NTNG1: variants seen among roughly 807,000 people sequenced by gnomAD.
NTNG1 encodes the protein netrin G1.
Under a neutral mutation model 54.0 loss-of-function variants are expected in NTNG1, and 16 were observed. That is an observed-to-expected ratio of 0.30 (90% CI 0.20 to 0.45). The LOEUF is 0.45. Among genes scored for constraint, NTNG1 ranks in the 20% least tolerant of loss-of-function variants. The pLI is 1.00. For synonymous variants in NTNG1, 255 were observed against 263.1 expected, an observed-to-expected ratio of 0.97 and a Z score of 0.30; for missense variants, 530 against 678.7, an observed-to-expected ratio of 0.78 and a Z score of 2.43.
chr1:107,353,009 T>C (rs902325765), intron 3 of NTNG1, among the ~76,000 whole-genome samples: 5 of 152,238 alleles, frequency 3.3e-5, no homozygotes, highest in Admixed American at 6.5e-5. Context: ...TCCTAGGTTT[T>C]TGGGCCTCAG....
intron 2 of NTNG1, among the ~76,000 whole-genome samples, chr1:107,199,570 G>A (rs1216896099): frequency 6.6e-6 from 1 of 151,856 alleles, no homozygotes; most frequent in Admixed American, 6.6e-5. Flanking sequence ...TTTAATGAAT[G>A]TCTTCTAGAT....
chr1:107,178,481 A>G (rs1194244401), intron 2 of NTNG1, among the ~76,000 whole-genome samples: 1 of 150,506 alleles, frequency 6.6e-6, no homozygotes, highest in Non-Finnish European at 1.5e-5. Context: ...TTTTTTTTTC[A>G]TTGTTGTCCT....
At chr1:107,210,286 A>G (rs568555153) in intron 2 of NTNG1, among the ~76,000 whole-genome samples, 1 of 152,284 alleles carries the variant, frequency 6.6e-6, no homozygotes, top group South Asian at 2.1e-4. Context: ...ATGACTTGGA[A>G]TGGAACAAAA....
At chr1:107,406,588 C>T (rs531289153) in intron 4 of NTNG1, among the ~76,000 whole-genome samples, 69 of 152,254 alleles carry the variant, frequency 4.5e-4, no homozygotes, top group African/African-American at 1.5e-3. Context: ...TGCTTTCCAT[C>T]GCATGCTCTC....
chr1:107,277,777 G>A (rs1315131255), intron 2 of NTNG1, among the ~76,000 whole-genome samples: 1 of 152,166 alleles, frequency 6.6e-6, no homozygotes, highest in East Asian at 1.9e-4. Flanking sequence ...GAACATGTAA[G>A]TCTGTTGTAT....
chr1:107,450,488 A>G (rs2101479419), intron 7 of NTNG1, among the ~76,000 whole-genome samples: 1 of 152,266 alleles, frequency 6.6e-6, no homozygotes, highest in Non-Finnish European at 1.5e-5. Context: ...GTTTCATTGA[A>G]AATGGTGAGG....
intron 4 of NTNG1, among the ~76,000 whole-genome samples, chr1:107,397,733 C>T (rs985908127): frequency 4.6e-5 from 7 of 150,996 alleles, no homozygotes; most frequent in African/African-American, 1.5e-4. Flanking sequence ...TCTTATCAAA[C>T]CTTTTTTTTT....
At position 107,482,685 on chromosome 1, in the gene NTNG1, C is replaced by T. The variant is rs1289091978; in HGVS notation, c.*1845C>T. On this transcript the variant is annotated 3_prime_UTR_variant, in exon 8 of 8. Coordinates refer to ENST00000370068, the MANE Select transcript of NTNG1 (RefSeq NM_001113226.3). Reference sequence around the variant, plus strand: ...ACCTATGATAGTGTAAGGTCAGAAACCTAGTTCCAGTCTGAATTCTTCACC... The same window carrying T: ...ACCTATGATAGTGTAAGGTCAGAAATCTAGTTCCAGTCTGAATTCTTCACC... 1 of 152,168 alleles carries T rather than the reference C, an allele frequency of 6.6e-6. No homozygotes were observed. Among genetic ancestry groups the T allele is most frequent in the African/African-American group, 2.4e-5 (1 of 41,422 alleles). 9.4% of individuals were successfully genotyped at this position (152,168 alleles called of 1,614,324 possible).
chr1:107,276,989 C>G (rs1664522393), intron 2 of NTNG1, among the ~76,000 whole-genome samples: 1 of 152,020 alleles, frequency 6.6e-6, no homozygotes, highest in Non-Finnish European at 1.5e-5. Flanking sequence ...GAAGAGGAAG[C>G]TGGGGGAGGC....
chr1:107,431,400 A>T (rs780353280), intron 6 of NTNG1, among the ~76,000 whole-genome samples: 4 of 152,204 alleles, frequency 2.6e-5, no homozygotes, highest in Non-Finnish European at 5.9e-5. Context: ...ATTGAAAATG[A>T]CTAGCAACTG....
At position 107,332,855 on chromosome 1, in the gene NTNG1, A is replaced by G. The variant is rs1020225758; in HGVS notation, c.887+7933A>G. 3.3e-5 allele frequency among the ~76,000 whole-genome samples: 5 copies of G among 152,226 alleles called. No individual in the cohort carries two copies. The South Asian group carries it at 6.2e-4, about 19-fold the overall frequency. On this transcript the variant is annotated intron_variant, in intron 3 of 7. Coordinates refer to ENST00000370068, the MANE Select transcript of NTNG1 (RefSeq NM_001113226.3). The stretch of plus-strand genomic sequence containing the variant: ...AAATGACTGCACTGCATAAAAACTC[A>G]TGGTTACTATTTCTACCTCCCTTTT...
At chr1:107,261,097 T>G (rs1475901188) in intron 2 of NTNG1, 4 of 152,218 alleles carry the variant, frequency 2.6e-5, no homozygotes, top group Non-Finnish European at 5.9e-5. Context: ...TACTCGTTCT[T>G]TAATTCATTC....
At chr1:107,202,956 A>G (rs112885001) in intron 2 of NTNG1, among the ~76,000 whole-genome samples, 1,531 of 152,056 alleles carry the variant, frequency 0.01, 28 homozygotes, top group African/African-American at 0.032. Flanking sequence ...ATGAATCTAT[A>G]TGGAGATCTA....
intron 5 of NTNG1, among the ~76,000 whole-genome samples, chr1:107,427,648 C>G (rs1365169245): frequency 6.6e-6 from 1 of 152,118 alleles, no homozygotes; most frequent in Non-Finnish European, 1.5e-5. Flanking sequence ...GAGATGACAG[C>G]TTTATCAAAG....
chr1:107,140,756 GA>G (rs776127435), upstream of NTNG1: 6,613 of 95,858 alleles, frequency 0.069, 487 homozygotes, highest in African/African-American at 0.24. Flanking sequence ...CCTGCGGCTT[GA>G]AAAAAAAAAA....
intron 3 of NTNG1, among the ~76,000 whole-genome samples, chr1:107,365,472 T>C (rs10458536): frequency 0.098 from 14,914 of 151,966 alleles, 914 homozygotes; most frequent in Admixed American, 0.18. Context: ...TAAAGGATAA[T>C]AAAAAAAATT....
chr1:107,415,524 AATT>A (rs991345879), intron 5 of NTNG1, among the ~76,000 whole-genome samples: 22 of 152,130 alleles, frequency 1.4e-4, no homozygotes, highest in Admixed American at 1.2e-3. Flanking sequence ...AATCCGGAGA[AATT>A]AACAGCCAGA....
chr1:107,155,729 G>A (rs1287590646), intron 2 of NTNG1, among the ~76,000 whole-genome samples: 1 of 152,068 alleles, frequency 6.6e-6, no homozygotes, highest in Non-Finnish European at 1.5e-5. Flanking sequence ...ATACTCCAAG[G>A]CAGCAAATAA....
At chr1:107,263,089 T>C (rs1311487372) in intron 2 of NTNG1, among the ~76,000 whole-genome samples, 1 of 152,198 alleles carries the variant, frequency 6.6e-6, no homozygotes, top group Non-Finnish European at 1.5e-5. Context: ...ATGGAATCAA[T>C]ATTGTCTTTA....
Sources: allele counts gnomAD v4.1 joint callset (sites outside exome capture counted in the v4.1 genomes callset), GRCh38; gene constraint gnomAD v4.1.1; transcripts MANE v1.5; gene names NCBI Gene and HGNC (gene_info 2026-07-23, HGNC 2026-07-21).